Variants in CCDC93 observed in about 807,000 individuals in gnomAD.
CCDC93 encodes the protein CCC complex scaffolding subunit CCDC93.
In CCDC93, 61 loss-of-function variants were observed where a neutral mutation model predicts 108.2. That is an observed-to-expected ratio of 0.56 (90% CI 0.46 to 0.70). CCDC93 has a LOEUF of 0.70. Ranked by LOEUF, CCDC93 falls within the 30% of genes least tolerant of loss-of-function variation. CCDC93 has a pLI of 0.00. For missense variants in CCDC93, 685 were observed against 764.2 expected (o/e 0.90, Z 1.22); for synonymous variants, 276 against 260.4 (o/e 1.06, Z -0.58).
At chr2:117,945,993 C>T (rs1678860389) in intron 16 of CCDC93, among the ~76,000 whole-genome samples, 1 of 152,190 alleles carries the variant, frequency 6.6e-6, no homozygotes, top group Non-Finnish European at 1.5e-5. Flanking sequence ...GCCTGGGATA[C>T]CACTGCCTCC....
chr2:118,013,262 C>A (rs536419012), intron 1 of CCDC93, among the ~76,000 whole-genome samples: 18 of 152,360 alleles, frequency 1.2e-4, no homozygotes, highest in African/African-American at 4.3e-4. Context: ...TGGAAAAGAA[C>A]CCCGCCCTCT....
At position 117,918,119 on chromosome 2, in the gene CCDC93, G is replaced by A. The variant is rs1311377745; in HGVS notation, c.*2224C>T. On this transcript the variant is annotated 3_prime_UTR_variant, in exon 24 of 24. Coordinates refer to ENST00000376300, the MANE Select transcript of CCDC93 (RefSeq NM_019044.5). ...TCCAGGTGGCTTCTGAAATGATCAG[G>A]GGCCTTGGGGCATCTCCTTACCCTA... 4.6e-5 allele frequency: 7 copies of A among 152,052 alleles called. No individual in the cohort carries two copies. The highest frequency in any genetic ancestry group is 4.6e-4 in the Admixed American group (7 of 15,258). 9.4% of individuals were successfully genotyped at this position (152,052 alleles called of 1,614,324 possible).
chr2:117,941,312 G>C lies in CCDC93; in HGVS notation c.1414-15C>G. The C allele has an allele frequency of 6.3e-7, 1 of 1,593,902 alleles. No individual in the cohort carries two copies. The highest frequency in any genetic ancestry group is 8.6e-7 in the Non-Finnish European group (1 of 1,161,616). On this transcript the variant is annotated splice_polypyrimidine_tract_variant and intron_variant, in intron 18 of 23. Transcript: ENST00000376300. The stretch of plus-strand genomic sequence containing the variant: ...TTTCTTCGAGCCTAAATGCAAAAGG[G>C]AGACAGAGACAGTACTATTTGGTAA...
chr2:117,962,592 G>A (rs780814358), intron 11 of CCDC93, among the ~76,000 whole-genome samples: 7 of 152,202 alleles, frequency 4.6e-5, no homozygotes, highest in African/African-American at 4.8e-5. Flanking sequence ...GCAGTGAGCC[G>A]AGGTCACACC....
At chr2:117,924,828 C>T (rs529386803) in intron 23 of CCDC93, among the ~76,000 whole-genome samples, 1 of 152,280 alleles carries the variant, frequency 6.6e-6, no homozygotes, top group South Asian at 2.1e-4. Flanking sequence ...ACATAATTGT[C>T]AGATTCACCA....
At position 117,948,150 on chromosome 2, in the gene CCDC93, A is replaced by G. The variant is rs1678937096; in HGVS notation, c.1179T>C (p.Asn393=). The G allele has an allele frequency of 6.2e-7, 1 of 1,613,970 alleles. No homozygotes were observed. Among genetic ancestry groups the G allele is most frequent in the East Asian group, 2.2e-5 (1 of 44,882 alleles). The change falls in exon 15 of 24, where the codon AAT becomes AAC. Residue 393 remains asparagine (N), a synonymous_variant. Transcript: ENST00000376300. ...LQNLRALVAM[N]ENLKSQEQEF... ...CCTGTTCTTGACTTTTCAGATTTTC[A>G]TTCATGGCTACAAGTGCTCTCAGGT...
At chr2:117,944,581 C>T (rs1217442821) in intron 17 of CCDC93, among the ~76,000 whole-genome samples, 2 of 152,158 alleles carry the variant, frequency 1.3e-5, no homozygotes, top group African/African-American at 4.8e-5. Context: ...ACTAGTCCCT[C>T]ATTGAACCCA....
chr2:117,944,595 A>G, intron 17 of CCDC93: 1 of 386,392 alleles, frequency 2.6e-6, no homozygotes, highest in Non-Finnish European at 5.3e-6. Context: ...GAACCCAGCA[A>G]TGAGACATGG....
chr2:117,942,050 T>C (rs911183748), intron 18 of CCDC93, among the ~76,000 whole-genome samples: 11 of 152,220 alleles, frequency 7.2e-5, no homozygotes, highest in Admixed American at 7.2e-4. Context: ...ACTGGGGAAA[T>C]AGGAGCCTCC....
At chr2:117,957,967 C>T (rs758962440) in intron 12 of CCDC93, among the ~76,000 whole-genome samples, 12 of 152,190 alleles carry the variant, frequency 7.9e-5, no homozygotes, top group Admixed American at 3.9e-4. Context: ...AGGATCATAA[C>T]TTGTTCTTCA....
intron 11 of CCDC93, among the ~76,000 whole-genome samples, chr2:117,962,753 T>C (rs1214554721): frequency 1.3e-5 from 2 of 152,208 alleles, no homozygotes; most frequent in Admixed American, 6.6e-5. Context: ...AAAAAGTAAC[T>C]GAAAGTGGGA....
At chr2:117,948,248 T>C in intron 14 of CCDC93, 62 bp from the exon 15 acceptor site, 1 of 1,224,602 alleles carries the variant, frequency 8.2e-7, no homozygotes, top group Non-Finnish European at 1.2e-6. Context: ...GAATCGCAGC[T>C]AAAAGCAGGT....
At chr2:117,944,343 T>G (rs1217585925) in intron 17 of CCDC93, among the ~76,000 whole-genome samples, 1 of 151,672 alleles carries the variant, frequency 6.6e-6, no homozygotes, top group Admixed American at 6.6e-5. Context: ...AACCTCCAAA[T>G]GTATATGCCC....
chr2:117,977,271 T>C (rs1679972559), intron 8 of CCDC93, among the ~76,000 whole-genome samples: 1 of 152,186 alleles, frequency 6.6e-6, no homozygotes, highest in South Asian at 2.1e-4. Context: ...GACCTCTAGG[T>C]TCAGATTCTT....
intron 6 of CCDC93, among the ~76,000 whole-genome samples, chr2:117,989,290 C>G (rs1043536923): frequency 2.0e-5 from 3 of 152,124 alleles, no homozygotes; most frequent in Non-Finnish European, 4.4e-5. Context: ...AGCAACATCA[C>G]CAAGACACAT....
chr2:117,974,840 TC>T lies in CCDC93; in HGVS notation c.801+9del. On this transcript the variant is annotated intron_variant, in intron 10 of 23. Coordinates refer to ENST00000376300, the MANE Select transcript of CCDC93 (RefSeq NM_019044.5). Reference sequence around the variant, plus strand: ...GTCCCCATCCCCACACCTCCCCGACTCCCACTCACCTCCTCATTTGCCATAG... The same window carrying T: ...GTCCCCATCCCCACACCTCCCCGACTCCACTCACCTCCTCATTTGCCATAG... 1 of 1,567,842 alleles carries T rather than the reference TC, an allele frequency of 6.4e-7. No homozygotes were observed.
chr2:117,963,991 T>C (rs1679473627), intron 11 of CCDC93, among the ~76,000 whole-genome samples: 1 of 152,238 alleles, frequency 6.6e-6, no homozygotes. Context: ...CCATTATCCT[T>C]GCAGTTAGGT....
At chr2:117,937,528 C>A (rs886753030) in intron 20 of CCDC93, among the ~76,000 whole-genome samples, 3 of 152,202 alleles carry the variant, frequency 2.0e-5, no homozygotes, top group African/African-American at 2.4e-5. Context: ...CAAATTTATT[C>A]AAATGTAACA....
chr2:117,943,804 C>G (rs1678780027), intron 18 of CCDC93, among the ~76,000 whole-genome samples: 1 of 152,186 alleles, frequency 6.6e-6, no homozygotes, highest in African/African-American at 2.4e-5. Context: ...AGGATTAACT[C>G]AAAGGAGTGG....
Sources: allele counts gnomAD v4.1 joint callset (sites outside exome capture counted in the v4.1 genomes callset), GRCh38; gene constraint gnomAD v4.1.1; transcripts MANE v1.5; gene names NCBI Gene and HGNC (gene_info 2026-07-23, HGNC 2026-07-21).